ESRRG: variants seen among roughly 807,000 people sequenced by gnomAD.
The protein encoded by ESRRG is estrogen related receptor gamma, also known as estrogen-related receptor gamma.
ESRRG carries 13 observed loss-of-function variants against 44.0 expected under a neutral mutation model. The observed-to-expected ratio is 0.30, with a 90% CI of 0.19 to 0.47. ESRRG has a LOEUF of 0.47. Among genes scored for constraint, ESRRG ranks in the 20% least tolerant of loss-of-function variants. ESRRG has a pLI of 1.00. For missense variants in ESRRG, 395 were observed against 580.6 expected (o/e 0.68, Z 3.29); for synonymous variants, 215 against 214.6 (o/e 1.00, Z -0.02).
chr1:216,644,833 CTT>C (rs1372024312), intron 3 of ESRRG, among the ~76,000 whole-genome samples: 1 of 152,086 alleles, frequency 6.6e-6, no homozygotes, highest in Non-Finnish European at 1.5e-5. Flanking sequence ...GTTTTAATAA[CTT>C]ATTGTTTCCT....
chr1:216,864,911 T>C (rs1486562939), intron 2 of ESRRG: 1 of 151,996 alleles, frequency 6.6e-6, no homozygotes, highest in East Asian at 1.9e-4. Context: ...TTCCAGATTC[T>C]ACCATCATCA....
intron 2 of ESRRG, among the ~76,000 whole-genome samples, chr1:216,804,134 C>G (rs1025632446): frequency 6.6e-6 from 1 of 152,136 alleles, no homozygotes; most frequent in Non-Finnish European, 1.5e-5. Context: ...GTTGCATTTT[C>G]AAAATTATTC....
chr1:217,115,305 C>A (rs1037054971), intron 1 of ESRRG, among the ~76,000 whole-genome samples: 2 of 152,108 alleles, frequency 1.3e-5, no homozygotes, highest in Non-Finnish European at 2.9e-5. Flanking sequence ...GGCTCCTATG[C>A]GATAAATGTC....
At chr1:216,769,180 G>C (rs1045098444) in intron 2 of ESRRG, among the ~76,000 whole-genome samples, 2 of 152,090 alleles carry the variant, frequency 1.3e-5, no homozygotes, top group Non-Finnish European at 2.9e-5. Context: ...TGAGGAGAGT[G>C]AAGACCATTA....
chr1:216,799,443 C>T (rs184533110), intron 2 of ESRRG, among the ~76,000 whole-genome samples: 13 of 151,112 alleles, frequency 8.6e-5, no homozygotes, highest in East Asian at 2.0e-4. Flanking sequence ...TAGGAGGTGA[C>T]GATTATAATC....
chr1:217,094,919 A>T (rs766068792), intron 1 of ESRRG, among the ~76,000 whole-genome samples: 1 of 152,252 alleles, frequency 6.6e-6, no homozygotes, highest in Non-Finnish European at 1.5e-5. Flanking sequence ...AGCCTCTGAC[A>T]TGAAAACAGT....
At chr1:217,003,844 G>A (rs1289668042) in intron 1 of ESRRG, among the ~76,000 whole-genome samples, 2 of 151,196 alleles carry the variant, frequency 1.3e-5, no homozygotes, top group Admixed American at 1.3e-4. Context: ...TCAATGTCCA[G>A]ATGACATATG....
chr1:216,744,819 T>C (rs2091203435), intron 2 of ESRRG, among the ~76,000 whole-genome samples: 1 of 152,218 alleles, frequency 6.6e-6, no homozygotes, highest in Non-Finnish European at 1.5e-5. Flanking sequence ...GACTAGGTTT[T>C]CTCAAGTACC....
intron 1 of ESRRG, among the ~76,000 whole-genome samples, chr1:217,122,409 T>C (rs1331098823): frequency 6.6e-6 from 1 of 152,174 alleles, no homozygotes; most frequent in Non-Finnish European, 1.5e-5. Flanking sequence ...TGATTTTGAC[T>C]AAGTTACCTC....
At chr1:216,549,272 T>C (rs2055520975) in intron 5 of ESRRG, among the ~76,000 whole-genome samples, 2 of 151,960 alleles carry the variant, frequency 1.3e-5, no homozygotes. Context: ...TTAAATACCG[T>C]AAGATCAGTG....
At chr1:216,732,447 G>T (rs949732251) in intron 2 of ESRRG, among the ~76,000 whole-genome samples, 2 of 150,926 alleles carry the variant, frequency 1.3e-5, no homozygotes, top group South Asian at 4.2e-4. Flanking sequence ...CACAATCTCA[G>T]CTCCCTGCAA....
chr1:216,761,085 C>A (rs369062499), intron 2 of ESRRG, among the ~76,000 whole-genome samples: 1 of 150,858 alleles, frequency 6.6e-6, no homozygotes, highest in East Asian at 2.0e-4. Flanking sequence ...GTGTTAATGT[C>A]TAGGAGAGAA....
intron 5 of ESRRG, among the ~76,000 whole-genome samples, chr1:216,552,381 T>C (rs2056591354): frequency 6.6e-6 from 1 of 152,214 alleles, no homozygotes. Context: ...TAGTCTCAAC[T>C]CTGTCTCTGA....
At chr1:216,977,119 T>C (rs1445778315) in intron 1 of ESRRG, among the ~76,000 whole-genome samples, 1 of 152,082 alleles carries the variant, frequency 6.6e-6, no homozygotes, top group Non-Finnish European at 1.5e-5. Context: ...ATCCTGGGAG[T>C]CTTATTGGAG....
chr1:217,088,181 C>T (rs895956793), intron 1 of ESRRG, among the ~76,000 whole-genome samples: 2 of 152,078 alleles, frequency 1.3e-5, no homozygotes, highest in Non-Finnish European at 2.9e-5. Context: ...AAACACACTC[C>T]CCTATTTGGT....
chr1:216,783,388 C>T (rs928509504), intron 2 of ESRRG, among the ~76,000 whole-genome samples: 1 of 152,064 alleles, frequency 6.6e-6, no homozygotes, highest in South Asian at 2.1e-4. Flanking sequence ...TACATAGCAA[C>T]AGTATAATCT....
At chr1:216,584,774 G>A (rs1194383582) in intron 3 of ESRRG, among the ~76,000 whole-genome samples, 3 of 152,168 alleles carry the variant, frequency 2.0e-5, no homozygotes, top group African/African-American at 4.8e-5. Context: ...TAGTAACCTG[G>A]TGTTACAGAT....
intron 5 of ESRRG, among the ~76,000 whole-genome samples, chr1:216,542,198 C>T (rs577408264): frequency 5.9e-5 from 9 of 151,858 alleles, no homozygotes; most frequent in African/African-American, 2.2e-4. Flanking sequence ...TCTTTTAATG[C>T]TCACATCCTG....
Position 216,757,702 on chromosome 1 carries a change from G to A in ESRRG, c.-13-80211C>T, listed in dbSNP as rs370699831. Among the ~76,000 whole-genome samples, 8 of 152,054 alleles carry A rather than the reference G, an allele frequency of 5.3e-5. No individual in the cohort carries two copies. The South Asian group carries it at 1.2e-3, about 24-fold the overall frequency. On this transcript the variant is annotated intron_variant, in intron 2 of 7. Transcript: ENST00000359162. The stretch of plus-strand genomic sequence containing the variant: ...AACAACCTTTCTATCTCAGGTATTA[G>A]CAAATACCTATGGTCTAGAGAGATA...
Sources: allele counts gnomAD v4.1 joint callset (sites outside exome capture counted in the v4.1 genomes callset), GRCh38; gene constraint gnomAD v4.1.1; transcripts MANE v1.5; gene names NCBI Gene and HGNC (gene_info 2026-07-23, HGNC 2026-07-21).